EHBP1: variants seen among roughly 807,000 people sequenced by gnomAD.
EHBP1 encodes the protein EH domain-binding protein 1.
In EHBP1, 55 loss-of-function variants were observed where a neutral mutation model predicts 144.0. That is an observed-to-expected ratio of 0.38 (90% CI 0.31 to 0.48). The LOEUF (loss-of-function observed/expected upper bound fraction) is 0.48, where lower values mean the gene tolerates loss of function less well. Ranked by LOEUF, EHBP1 falls within the 20% of genes least tolerant of loss-of-function variation. EHBP1 has a pLI of 0.98. For missense variants in EHBP1, 1,200 were observed against 1,364.2 expected (o/e 0.88, Z 1.90); for synonymous variants, 469 against 472.7 (o/e 0.99, Z 0.10).
chr2:62,835,660 C>T (rs1403737538), intron 7 of EHBP1, among the ~76,000 whole-genome samples: 3 of 152,150 alleles, frequency 2.0e-5, no homozygotes, highest in Non-Finnish European at 2.9e-5. Context: ...CGAAGCAGGG[C>T]GAGGCATTGC....
At chr2:62,709,578 T>C (rs758296182) in intron 2 of EHBP1, among the ~76,000 whole-genome samples, 2 of 152,132 alleles carry the variant, frequency 1.3e-5, no homozygotes, top group African/African-American at 2.4e-5. Flanking sequence ...ATTGCTAATG[T>C]GTCTAAAGGT....
chr2:62,886,795 G>A (rs1386751863), intron 10 of EHBP1, among the ~76,000 whole-genome samples: 1 of 152,110 alleles, frequency 6.6e-6, no homozygotes, highest in Non-Finnish European at 1.5e-5. Flanking sequence ...CCTTCCTTCA[G>A]TGTGTCTGAC....
At chr2:62,696,311 C>T (rs1341893809) in intron 1 of EHBP1, among the ~76,000 whole-genome samples, 1 of 151,814 alleles carries the variant, frequency 6.6e-6, no homozygotes, top group Non-Finnish European at 1.5e-5. Context: ...GCTGGGATTG[C>T]AGGCGCTCAC....
At chr2:62,725,460 G>C (rs1442351453) in intron 2 of EHBP1, among the ~76,000 whole-genome samples, 1 of 152,240 alleles carries the variant, frequency 6.6e-6, no homozygotes, top group Non-Finnish European at 1.5e-5. Flanking sequence ...CATGCTGGTG[G>C]TGGTGTTGGC....
Position 62,864,749 on chromosome 2 carries a change from C to T in EHBP1, c.776C>T (p.Ala259Val). The T allele has an allele frequency of 6.2e-7, 1 of 1,611,534 alleles. No individual in the cohort carries two copies. The highest frequency in any genetic ancestry group is 8.5e-7 in the Non-Finnish European group (1 of 1,178,976). ...TTTATAGAACCTATCACTGAAACAG[C>T]TTCACCTAGAAAAACAGAAGACTCT... ...PDSEEPITET[A>V]SPRKTEDSFY... Residue 259 changes from alanine (A) to valine (V), a missense_variant, in exon 9 of 23, where the codon GCT (alanine) becomes GTT (valine). Physicochemically the swap from Ala to Val is moderately conservative, Grantham distance 64. Coordinates refer to ENST00000431489, the MANE Select transcript of EHBP1 (RefSeq NM_001142616.3).
chr2:62,734,402 T>G (rs1225135747), intron 2 of EHBP1, among the ~76,000 whole-genome samples: 1 of 150,640 alleles, frequency 6.6e-6, no homozygotes, highest in Non-Finnish European at 1.5e-5. Flanking sequence ...CATGTGTCTT[T>G]TTTTTTTTTT....
At chr2:62,886,201 C>G (rs1382419566) in intron 10 of EHBP1, among the ~76,000 whole-genome samples, 1 of 152,166 alleles carries the variant, frequency 6.6e-6, no homozygotes, top group Non-Finnish European at 1.5e-5. Flanking sequence ...AGAATGGTGT[C>G]TCAGGGCCAT....
intron 3 of EHBP1, among the ~76,000 whole-genome samples, chr2:62,756,723 G>A (rs1213630251): frequency 2.0e-5 from 3 of 147,222 alleles, no homozygotes; most frequent in South Asian, 2.1e-4. Context: ...AGCTGAGATC[G>A]TGCCATTGCA....
intron 19 of EHBP1, among the ~76,000 whole-genome samples, chr2:63,027,348 G>A (rs2061025051): frequency 1.3e-5 from 2 of 152,198 alleles, no homozygotes; most frequent in African/African-American, 4.8e-5. Context: ...AGTTCGTCAT[G>A]AGTGTACTCT....
chr2:62,885,345 A>G (rs532247795), intron 10 of EHBP1, among the ~76,000 whole-genome samples: 55 of 152,256 alleles, frequency 3.6e-4, no homozygotes, highest in African/African-American at 1.2e-3. Context: ...TAAACTCTAC[A>G]CTTCAGACCA....
chr2:62,964,726 T>A (rs530402177), intron 14 of EHBP1, among the ~76,000 whole-genome samples: 1 of 152,340 alleles, frequency 6.6e-6, no homozygotes, highest in Middle Eastern at 3.4e-3. Context: ...CTTCATAATC[T>A]ATTAGAACTT....
intron 1 of EHBP1, among the ~76,000 whole-genome samples, chr2:62,680,666 T>C (rs1572855165): frequency 6.6e-6 from 1 of 152,204 alleles, no homozygotes; most frequent in East Asian, 1.9e-4. Context: ...TATGGGTTCT[T>C]CTAGGAGTGA....
chr2:62,830,191 C>CACACAT (rs1553434291), intron 6 of EHBP1, among the ~76,000 whole-genome samples: 6 of 106,238 alleles, frequency 5.6e-5, no homozygotes, highest in East Asian at 2.4e-4. Flanking sequence ...CACACACACA[C>CACACAT]ACACATATAT....
In EHBP1 at chr2:62,951,615, C is replaced by T. The variant is rs569096524; in HGVS notation, c.2316+2453C>T. On this transcript the variant is annotated intron_variant, in intron 13 of 22. Transcript: ENST00000431489. ...TCTCACCTCACTGCAACCTTCTCCT[C>T]CCGGGTTCAAGTGATTCTCCTGCCT... Among the ~76,000 whole-genome samples, 5 of 150,198 alleles carry T rather than the reference C, an allele frequency of 3.3e-5. No individual in the cohort carries two copies. The South Asian group carries it at 1.1e-3, about 32-fold the overall frequency.
intron 1 of EHBP1, among the ~76,000 whole-genome samples, chr2:62,680,335 A>T (rs2033468268): frequency 6.6e-6 from 1 of 152,188 alleles, no homozygotes; most frequent in Non-Finnish European, 1.5e-5. Context: ...GAATCTAAAG[A>T]TAAGTGAATT....
intron 7 of EHBP1, among the ~76,000 whole-genome samples, chr2:62,849,045 A>G (rs534421109): frequency 2.6e-5 from 4 of 152,298 alleles, no homozygotes; most frequent in African/African-American, 9.6e-5. Context: ...TAATGAATTA[A>G]TACCTCCCAA....
chr2:62,832,438 CTTTTTTTTTTT>C (rs202005406), intron 7 of EHBP1, among the ~76,000 whole-genome samples: 1 of 117,820 alleles, frequency 8.5e-6, no homozygotes, highest in Non-Finnish European at 1.8e-5. Flanking sequence ...TTTCTTTTTT[CTTTTTTTTTTT>C]TTTTTTTTAC....
intron 2 of EHBP1, among the ~76,000 whole-genome samples, chr2:62,737,245 T>C (rs762595328): frequency 6.6e-6 from 1 of 152,178 alleles, no homozygotes; most frequent in Admixed American, 6.5e-5. Flanking sequence ...TAATTCAAAA[T>C]GGTTTATTTC....
intron 5 of EHBP1, among the ~76,000 whole-genome samples, chr2:62,779,788 T>C (rs1342303113): frequency 9.2e-5 from 14 of 152,218 alleles, no homozygotes; most frequent in Non-Finnish European, 2.1e-4. Context: ...TCCAGTGTTT[T>C]ATTTTTAGTT....
Sources: allele counts gnomAD v4.1 joint callset (sites outside exome capture counted in the v4.1 genomes callset), GRCh38; gene constraint gnomAD v4.1.1; transcripts MANE v1.5; gene names NCBI Gene and HGNC (gene_info 2026-07-23, HGNC 2026-07-21).